The following TXK variants were observed in gnomAD, a reference collection of about 807,000 sequenced individuals.
The protein encoded by TXK is TXK tyrosine kinase, also known as tyrosine-protein kinase TXK.
A neutral mutation model predicts 81.0 loss-of-function variants in TXK; 60 were observed. The ratio of observed to expected loss-of-function variants is 0.74; its 90% CI spans 0.60 to 0.92. The LOEUF is 0.92. TXK is among the 40% of genes least tolerant of loss of function. TXK has a pLI of 0.00. For missense variants in TXK, 581 were observed against 638.3 expected (o/e 0.91, Z 0.97); for synonymous variants, 203 against 210.7 (o/e 0.96, Z 0.32).
intron 7 of TXK, among the ~76,000 whole-genome samples, chr4:48,094,671 G>A (rs1577663708): frequency 6.6e-6 from 1 of 152,128 alleles, no homozygotes; most frequent in Non-Finnish European, 1.5e-5. Flanking sequence ...TTGTCCCACT[G>A]AAGTGCAAAG....
At chr4:48,103,157 T>C (rs1393313402) in intron 6 of TXK, among the ~76,000 whole-genome samples, 1 of 152,218 alleles carries the variant, frequency 6.6e-6, no homozygotes, top group Non-Finnish European at 1.5e-5. Flanking sequence ...GACCCTTGCC[T>C]TGTCTGGCTT....
At chr4:48,117,338 C>T (rs750803427) in intron 1 of TXK, among the ~76,000 whole-genome samples, 11 of 152,176 alleles carry the variant, frequency 7.2e-5, no homozygotes, top group Non-Finnish European at 1.5e-4. Context: ...AGGGTTGCTA[C>T]AGTTTTCCAT....
chr4:48,108,358 T>C (rs1328087494), intron 5 of TXK, among the ~76,000 whole-genome samples: 3 of 152,240 alleles, frequency 2.0e-5, no homozygotes, highest in Non-Finnish European at 4.4e-5. Flanking sequence ...ATCACTAGAA[T>C]GTATTGAACA....
At chr4:48,112,642 G>A in intron 3 of TXK, 130 bp from the exon 4 acceptor site, 1 of 880,516 alleles carries the variant, frequency 1.1e-6, no homozygotes, top group East Asian at 2.7e-5. Flanking sequence ...AAGCCAGGAT[G>A]AGATAAATGT....
intron 1 of TXK, among the ~76,000 whole-genome samples, chr4:48,125,302 C>A (rs1719059880): frequency 6.6e-6 from 1 of 152,216 alleles, no homozygotes; most frequent in Non-Finnish European, 1.5e-5. Flanking sequence ...AGTTACTTTA[C>A]CACTTTGTCC....
At chr4:48,104,826 A>G in intron 6 of TXK, 75 bp downstream of exon 6, 1 of 1,114,408 alleles carries the variant, frequency 9.0e-7, no homozygotes, top group Non-Finnish European at 1.3e-6. Context: ...GAAATAATAT[A>G]CTTTTTTAGT....
At chr4:48,068,643 G>A (rs943515384) in intron 14 of TXK, among the ~76,000 whole-genome samples, 1 of 152,164 alleles carries the variant, frequency 6.6e-6, no homozygotes, top group African/African-American at 2.4e-5. Flanking sequence ...GCCAAGGATT[G>A]GAGCATTTTT....
chr4:48,106,428 G>A (rs1034803795), intron 5 of TXK, among the ~76,000 whole-genome samples: 1 of 151,492 alleles, frequency 6.6e-6, no homozygotes, highest in Non-Finnish European at 1.5e-5. Flanking sequence ...GTAACTCTTA[G>A]ACAACTCTTA....
At chr4:48,112,920 AC>A in intron 3 of TXK, among the ~76,000 whole-genome samples, 1 of 152,154 alleles carries the variant, frequency 6.6e-6, no homozygotes, top group South Asian at 2.1e-4. Flanking sequence ...GCTGTTTCTC[AC>A]TGAAGTGAAA....
chr4:48,067,565 C>A lies in TXK; in HGVS notation c.*72G>T, dbSNP rs1418323080. The A allele has an allele frequency of 7.0e-7, 1 of 1,435,946 alleles. No individual in the cohort carries two copies. Among genetic ancestry groups the A allele is most frequent in the East Asian group, 2.3e-5 (1 of 44,026 alleles). 89.0% of individuals were successfully genotyped at this position (1,435,946 alleles called of 1,614,324 possible). Reference sequence around the variant, plus strand: ...GAAAGATATTCACCATAAGTGACCCCATATGGTGAAGATATTCACAATAAA... The same window carrying A: ...GAAAGATATTCACCATAAGTGACCCAATATGGTGAAGATATTCACAATAAA... On this transcript the variant is annotated 3_prime_UTR_variant, in exon 15 of 15. Coordinates refer to ENST00000264316, the MANE Select transcript of TXK (RefSeq NM_003328.3).
At chr4:48,105,890 T>G (rs1718440158) in intron 5 of TXK, among the ~76,000 whole-genome samples, 2 of 152,154 alleles carry the variant, frequency 1.3e-5, no homozygotes, top group Non-Finnish European at 2.9e-5. Flanking sequence ...AACATGTAGT[T>G]AAATGACTTT....
At chr4:48,132,557 A>G (rs1422618273) in intron 1 of TXK, among the ~76,000 whole-genome samples, 2 of 152,110 alleles carry the variant, frequency 1.3e-5, no homozygotes, top group Non-Finnish European at 2.9e-5. Context: ...TCCCTTTGAG[A>G]GCTTATTTAT....
rs1199372359 is a variant in TXK at position 48,116,012 on chromosome 4, T to C, written c.17-1610A>G. ...CATTCACTTTGAGGGGAGACAGACC[T>C]GGGGTTTAGCCCTAGTCACCTGGCT... On this transcript the variant is annotated intron_variant, in intron 1 of 14. Coordinates refer to ENST00000264316, the MANE Select transcript of TXK (RefSeq NM_003328.3). Among the ~76,000 whole-genome samples the C allele has an allele frequency of 2.0e-5, 3 of 152,190 alleles. No homozygotes were observed. In the East Asian group the frequency reaches 5.8e-4, roughly 29 times the overall value.
At chr4:48,087,971 G>A (rs750943912) in intron 9 of TXK, among the ~76,000 whole-genome samples, 10 of 152,062 alleles carry the variant, frequency 6.6e-5, no homozygotes, top group Non-Finnish European at 7.4e-5. Flanking sequence ...ATCAACTAGA[G>A]AAGACATATA....
intron 5 of TXK, among the ~76,000 whole-genome samples, chr4:48,106,728 G>A (rs186261152): frequency 5.7e-4 from 87 of 152,172 alleles, no homozygotes; most frequent in Middle Eastern, 3.4e-3. Flanking sequence ...TAAGGATTCC[G>A]TGTACAGATA....
chr4:48,086,393 C>A, intron 10 of TXK, 73 bp downstream of exon 10: 1 of 1,491,754 alleles, frequency 6.7e-7, no homozygotes, highest in Admixed American at 1.8e-5. Flanking sequence ...GGTGTGGCTG[C>A]CTCCAAAGCT....
chr4:48,077,482 G>T (rs1577649653), intron 11 of TXK, among the ~76,000 whole-genome samples: 1 of 149,848 alleles, frequency 6.7e-6, no homozygotes, highest in African/African-American at 2.5e-5. Flanking sequence ...AGCATATAGG[G>T]AGATAAAATA....
intron 13 of TXK, among the ~76,000 whole-genome samples, chr4:48,073,091 ATT>A (rs33919573): frequency 7.3e-6 from 1 of 136,958 alleles, no homozygotes; most frequent in Non-Finnish European, 1.5e-5. Flanking sequence ...CACCTGGCTA[ATT>A]TTTTTTTTTT....
At chr4:48,123,061 T>C (rs537083773) in intron 1 of TXK, among the ~76,000 whole-genome samples, 1 of 152,352 alleles carries the variant, frequency 6.6e-6, no homozygotes, top group African/African-American at 2.4e-5. Context: ...TGTTTTAATA[T>C]AAACAAATTA....
Sources: gnomAD v4.1 joint callset for allele counts (sites outside exome capture counted in the v4.1 genomes callset) on GRCh38, gnomAD v4.1.1 for gene constraint, MANE v1.5 for transcripts, NCBI Gene and HGNC (gene_info 2026-07-23, HGNC 2026-07-21) for gene names.